Variants in MAGI2 observed in about 807,000 individuals in gnomAD.
MAGI2 encodes the protein membrane associated guanylate kinase, WW and PDZ domain containing 2, also known as membrane-associated guanylate kinase, WW and PDZ domain-containing protein 2.
In MAGI2, 35 loss-of-function variants were observed where a neutral mutation model predicts 133.3. The observed-to-expected ratio is 0.26, with a 90% CI of 0.20 to 0.35. The LOEUF is 0.35. Among genes scored for constraint, MAGI2 ranks in the 10% least tolerant of loss-of-function variants. The pLI is 1.00. For missense variants in MAGI2, 1,636 were observed against 1,863.4 expected, an observed-to-expected ratio of 0.88 and a Z score of 2.25; for synonymous variants, 729 against 710.6, an observed-to-expected ratio of 1.03 and a Z score of -0.41.
At chr7:78,079,425 C>T (rs1385958639) in intron 20 of MAGI2, among the ~76,000 whole-genome samples, 1 of 152,204 alleles carries the variant, frequency 6.6e-6, no homozygotes, top group Non-Finnish European at 1.5e-5. Flanking sequence ...AATAACCTGG[C>T]ATCTTTGCTT....
Position 78,921,153 on chromosome 7 carries a change from T to C in MAGI2, c.418+85937A>G, listed in dbSNP as rs1487582238. On this transcript the variant is annotated intron_variant, in intron 2 of 21. Coordinates refer to ENST00000354212, the MANE Select transcript of MAGI2 (RefSeq NM_012301.4). ...TCCACATCTCTGTCTCTTTAGTCCC[T>C]CTTCCTCCACTCTCTCTCTGGGGAA... Among the ~76,000 whole-genome samples the C allele has an allele frequency of 3.9e-5, 6 of 152,130 alleles. No individual in the cohort carries two copies. The East Asian group carries it at 1.2e-3, about 29-fold the overall frequency.
At chr7:78,704,608 A>T (rs1388978355) in intron 2 of MAGI2, among the ~76,000 whole-genome samples, 1 of 152,094 alleles carries the variant, frequency 6.6e-6, no homozygotes, top group Non-Finnish European at 1.5e-5. Context: ...GCACATGTTC[A>T]TCACAGCACT....
intron 2 of MAGI2, among the ~76,000 whole-genome samples, chr7:78,679,382 C>T (rs376331085): frequency 2.2e-4 from 34 of 152,254 alleles, no homozygotes; most frequent in African/African-American, 8.2e-4. Flanking sequence ...CAGCTTCCAG[C>T]CAAATGTCCC....
At chr7:79,319,535 G>A (rs753239492) in intron 1 of MAGI2, among the ~76,000 whole-genome samples, 24 of 152,038 alleles carry the variant, frequency 1.6e-4, no homozygotes, top group Non-Finnish European at 2.9e-4. Flanking sequence ...AGGGAGTAGC[G>A]AGCACAGCCT....
intron 1 of MAGI2, chr7:79,139,754 A>G (rs1283691037): frequency 6.6e-6 from 1 of 152,254 alleles, no homozygotes; most frequent in African/African-American, 2.4e-5. Flanking sequence ...ACCTGGATTC[A>G]AAGGCTGTTT....
chr7:79,448,354 C>A (rs1849005618), intron 1 of MAGI2, among the ~76,000 whole-genome samples: 1 of 152,034 alleles, frequency 6.6e-6, no homozygotes, highest in South Asian at 2.1e-4. Context: ...TCAATCATTT[C>A]ATATTTTTCA....
intron 2 of MAGI2, among the ~76,000 whole-genome samples, chr7:78,707,682 A>G (rs1304405160): frequency 6.6e-6 from 1 of 152,126 alleles, no homozygotes; most frequent in African/African-American, 2.4e-5. Flanking sequence ...GCATTCTTAT[A>G]TCTCATTATA....
chr7:78,394,117 G>A (rs897873827), intron 6 of MAGI2, among the ~76,000 whole-genome samples: 1 of 152,108 alleles, frequency 6.6e-6, no homozygotes, highest in East Asian at 1.9e-4. Context: ...GAGGGCAGGA[G>A]AAGATGGAGG....
intron 1 of MAGI2, chr7:79,414,943 C>T (rs1326867116): frequency 6.6e-6 from 1 of 152,038 alleles, no homozygotes; most frequent in Admixed American, 6.6e-5. Context: ...AAGGGAGGGA[C>T]TATACTACAT....
intron 2 of MAGI2, among the ~76,000 whole-genome samples, chr7:78,739,848 C>T (rs1437062270): frequency 6.6e-6 from 1 of 152,066 alleles, no homozygotes; most frequent in Non-Finnish European, 1.5e-5. Context: ...AATGTGCAGC[C>T]CACTCTTAGT....
chr7:78,719,734 G>A (rs1364836377), intron 2 of MAGI2, among the ~76,000 whole-genome samples: 2 of 152,168 alleles, frequency 1.3e-5, no homozygotes, highest in Admixed American at 1.3e-4. Flanking sequence ...GAGGGGCCTG[G>A]CTGCAGTACT....
At chr7:79,356,600 A>G (rs1474828753) in intron 1 of MAGI2, among the ~76,000 whole-genome samples, 1 of 152,226 alleles carries the variant, frequency 6.6e-6, no homozygotes, top group Non-Finnish European at 1.5e-5. Flanking sequence ...AAAAAAGAAA[A>G]TAAATACAAA....
intron 10 of MAGI2, among the ~76,000 whole-genome samples, chr7:78,206,294 CT>C (rs869221931): frequency 2.4e-3 from 106 of 44,740 alleles, no homozygotes; most frequent in African/African-American, 3.6e-3. Context: ...CTTTTCCTTT[CT>C]TTTTTTTTTT....
intron 2 of MAGI2, among the ~76,000 whole-genome samples, chr7:78,728,432 G>T (rs1274644790): frequency 6.6e-6 from 1 of 151,666 alleles, no homozygotes; most frequent in Non-Finnish European, 1.5e-5. Flanking sequence ...AATTCTAGCT[G>T]GGAATTCTAT....
At chr7:79,102,203 G>A (rs1036369205) in intron 1 of MAGI2, among the ~76,000 whole-genome samples, 2 of 152,040 alleles carry the variant, frequency 1.3e-5, no homozygotes, top group Non-Finnish European at 1.5e-5. Flanking sequence ...GTGCCATGGT[G>A]GTTTGCACGT....
At chr7:78,614,552 T>C (rs140804670) in intron 3 of MAGI2, 1 of 152,298 alleles carries the variant, frequency 6.6e-6, no homozygotes, top group African/African-American at 2.4e-5. Flanking sequence ...TTTATTATAA[T>C]TGTAAAATAT....
intron 2 of MAGI2, among the ~76,000 whole-genome samples, chr7:78,847,215 T>C (rs1365274854): frequency 6.6e-6 from 1 of 151,982 alleles, no homozygotes; most frequent in African/African-American, 2.4e-5. Context: ...TTGAGTAACT[T>C]CCGTATGCTA....
At chr7:79,010,159 G>A (rs775928961) in intron 1 of MAGI2, among the ~76,000 whole-genome samples, 1 of 151,782 alleles carries the variant, frequency 6.6e-6, no homozygotes, top group African/African-American at 2.4e-5. Flanking sequence ...TACACAGTAT[G>A]TGTGTATAAC....
rs558953536 is a variant in MAGI2, at chr7:79,445,210, C to T, written c.301+7810G>A. ...AATGTTAGACCTAAAACCATAAAAA[C>T]CCTAGAAGAAAACCTAGGCAATACC... On this transcript the variant is annotated intron_variant, in intron 1 of 21. Transcript: ENST00000354212. Among the ~76,000 whole-genome samples the T allele has an allele frequency of 1.8e-3, 267 of 152,250 alleles. 2 individuals carry two copies. The highest frequency in any genetic ancestry group is 6.2e-3 in the African/African-American group (258 of 41,548).
Sources: gnomAD v4.1 joint callset for allele counts (sites outside exome capture counted in the v4.1 genomes callset) on GRCh38, gnomAD v4.1.1 for gene constraint, MANE v1.5 for transcripts, NCBI Gene and HGNC (gene_info 2026-07-23, HGNC 2026-07-21) for gene names.